The following PDE10A variants were observed in gnomAD, a reference collection of about 807,000 sequenced individuals.
PDE10A encodes the protein cAMP and cAMP-inhibited cGMP 3',5'-cyclic phosphodiesterase 10A.
In PDE10A, 39 loss-of-function variants were observed where a neutral mutation model predicts 97.7. That is an observed-to-expected ratio of 0.40 (90% confidence interval 0.31 to 0.52). PDE10A has a LOEUF of 0.52. Among genes scored for constraint, PDE10A ranks in the 20% least tolerant of loss-of-function variants. The pLI is 0.56. For synonymous variants in PDE10A, 371 were observed against 376.8 expected (o/e 0.98, Z 0.18); for missense variants, 731 against 1,047.8 (o/e 0.70, Z 4.17).
Position 165,379,236 on chromosome 6 carries a change from A to G in PDE10A, c.2741T>C (p.Met914Thr). Residue 914 changes from methionine (M) to threonine (T), a missense_variant, in exon 18 of 22, where the codon ATG becomes ACG. Physicochemically the swap from Met to Thr is moderately conservative, Grantham distance 81. Transcript: ENST00000539869. ...YFGNRKQLEE[M>T]YQTGSLNLNN... ...AAGGTTTAGTGATCCGGTCTGGTAC[A>G]TCTCTTCCAACTGCTTCCTGTTTCC... 6.2e-7 allele frequency: 1 copy of G among 1,613,762 alleles called. No homozygotes were observed. The highest frequency in any genetic ancestry group is 8.5e-7 in the Non-Finnish European group (1 of 1,179,742).
intron 17 of PDE10A, among the ~76,000 whole-genome samples, chr6:165,384,968 C>T (rs749815284): frequency 6.6e-6 from 1 of 152,134 alleles, no homozygotes; most frequent in Non-Finnish European, 1.5e-5. Flanking sequence ...TGCTCGTAAT[C>T]ATCTGTGTGG....
chr6:165,888,448 G>T (rs1241252836), intron 1 of PDE10A, among the ~76,000 whole-genome samples: 1 of 151,812 alleles, frequency 6.6e-6, no homozygotes, highest in Admixed American at 6.6e-5. Flanking sequence ...AACACGCCTG[G>T]CTAGTTTTTT....
At chr6:165,896,656 C>T (rs1368100724) in intron 1 of PDE10A, among the ~76,000 whole-genome samples, 2 of 151,666 alleles carry the variant, frequency 1.3e-5, no homozygotes, top group African/African-American at 4.8e-5. Flanking sequence ...TCCCGAGTAG[C>T]TGAGACTACA....
intron 1 of PDE10A, among the ~76,000 whole-genome samples, chr6:165,723,226 G>A (rs948891027): frequency 5.3e-5 from 8 of 152,184 alleles, no homozygotes; most frequent in Admixed American, 4.6e-4. Context: ...TCCCAGACAG[G>A]CAAAGCCATG....
intron 18 of PDE10A, among the ~76,000 whole-genome samples, chr6:165,358,537 T>C (rs988413122): frequency 6.6e-6 from 1 of 151,450 alleles, no homozygotes; most frequent in African/African-American, 2.4e-5. Context: ...GCTGTTGCCA[T>C]GGTATATCTT....
intron 1 of PDE10A, among the ~76,000 whole-genome samples, chr6:165,683,000 G>A (rs894966822): frequency 1.3e-5 from 2 of 152,152 alleles, no homozygotes; most frequent in African/African-American, 4.8e-5. Context: ...TTCCCCCACC[G>A]GAATGTAAAA....
chr6:165,726,316 G>A (rs902810196), intron 1 of PDE10A, among the ~76,000 whole-genome samples: 5 of 152,080 alleles, frequency 3.3e-5, no homozygotes, highest in Non-Finnish European at 5.9e-5. Flanking sequence ...AAATTGGGAA[G>A]TATTAATGAT....
intron 1 of PDE10A, among the ~76,000 whole-genome samples, chr6:165,654,684 T>C (rs1014067381): frequency 6.6e-6 from 1 of 152,178 alleles, no homozygotes; most frequent in Non-Finnish European, 1.5e-5. Context: ...AGCATCTACC[T>C]GCCCACAGCT....
intron 1 of PDE10A, among the ~76,000 whole-genome samples, chr6:165,765,701 T>TCC (rs1777826927): frequency 6.6e-6 from 1 of 152,124 alleles, no homozygotes; most frequent in African/African-American, 2.4e-5. Flanking sequence ...GGGAGTGGGC[T>TCC]CCCGCCTTGG....
At position 165,386,548 on chromosome 6, in the gene PDE10A, TAAAC is replaced by T. The variant is rs374256821; in HGVS notation, c.2610+1746_2610+1749del. Among the ~76,000 whole-genome samples the T allele has an allele frequency of 6.5e-3, 986 of 152,268 alleles. 15 individuals carry two copies. Among genetic ancestry groups the T allele is most frequent in the African/African-American group, 0.022 (923 of 41,548 alleles). On this transcript the variant is annotated intron_variant, in intron 17 of 21. Coordinates refer to ENST00000539869, the MANE Select transcript of PDE10A (RefSeq NM_001385079.1). ...TGTTGTTTCTGGCGTTTATTCTTCT[TAAAC>T]AAACAAATAGTCTCCAATGATGAAT...
At chr6:165,386,540 A>T (rs1785311314) in intron 17 of PDE10A, among the ~76,000 whole-genome samples, 2 of 152,074 alleles carry the variant, frequency 1.3e-5, no homozygotes, top group Non-Finnish European at 2.9e-5. Flanking sequence ...TCTGGCGTTT[A>T]TTCTTCTTAA....
At chr6:165,881,217 T>C (rs1781462762) in intron 1 of PDE10A, among the ~76,000 whole-genome samples, 1 of 152,140 alleles carries the variant, frequency 6.6e-6, no homozygotes, top group African/African-American at 2.4e-5. Context: ...AATGGAAATG[T>C]TCAATTAATT....
chr6:165,806,651 C>CT (rs534383867), intron 1 of PDE10A, among the ~76,000 whole-genome samples: 13 of 151,494 alleles, frequency 8.6e-5, no homozygotes, highest in African/African-American at 2.2e-4. Context: ...TGCTGAGCGC[C>CT]CCCCCCCAGG....
intron 1 of PDE10A, among the ~76,000 whole-genome samples, chr6:165,952,131 G>T (rs1783983552): frequency 6.6e-6 from 1 of 152,202 alleles, no homozygotes; most frequent in African/African-American, 2.4e-5. Context: ...TCTAATACGT[G>T]CCCAGCTAGG....
chr6:165,570,157 T>G (rs995096523), intron 1 of PDE10A, among the ~76,000 whole-genome samples: 3 of 152,176 alleles, frequency 2.0e-5, no homozygotes, highest in Non-Finnish European at 4.4e-5. Context: ...CCAATATGAC[T>G]AGTACCCTAA....
At chr6:165,419,226 G>A (rs1177353531) in intron 10 of PDE10A, among the ~76,000 whole-genome samples, 1 of 152,220 alleles carries the variant, frequency 6.6e-6, no homozygotes, top group Non-Finnish European at 1.5e-5. Flanking sequence ...TGAAGTCTGT[G>A]ATGCAGCAGG....
At chr6:165,359,952 G>T (rs544898627) in intron 18 of PDE10A, among the ~76,000 whole-genome samples, 2 of 152,172 alleles carry the variant, frequency 1.3e-5, no homozygotes, top group African/African-American at 4.8e-5. Flanking sequence ...GAGAAATCTG[G>T]GTCATGATGT....
chr6:165,825,105 A>G (rs1366309374), intron 1 of PDE10A, among the ~76,000 whole-genome samples: 17 of 147,868 alleles, frequency 1.1e-4, no homozygotes, highest in Non-Finnish European at 2.1e-4. Flanking sequence ...CTGAGATCGC[A>G]CCACTGCACT....
chr6:165,891,451 C>G (rs1781792655), intron 1 of PDE10A, among the ~76,000 whole-genome samples: 2 of 152,124 alleles, frequency 1.3e-5, no homozygotes, highest in East Asian at 3.9e-4. Flanking sequence ...TCCCAGCCTC[C>G]CAGGTTCAGC....
Sources: gnomAD v4.1 joint callset for allele counts (sites outside exome capture counted in the v4.1 genomes callset) on GRCh38, gnomAD v4.1.1 for gene constraint, MANE v1.5 for transcripts, NCBI Gene and HGNC (gene_info 2026-07-23, HGNC 2026-07-21) for gene names.